Variants in PLXNA2 observed in about 807,000 individuals in gnomAD.
PLXNA2 encodes plexin A2, also known as plexin-A2.
A neutral mutation model predicts 193.5 loss-of-function variants in PLXNA2; 91 were observed. The observed-to-expected ratio is 0.47, with a 90% CI of 0.40 to 0.56. The LOEUF (loss-of-function observed/expected upper bound fraction) is 0.56, where lower values mean the gene tolerates loss of function less well. PLXNA2 is among the 20% of genes least tolerant of loss of function. PLXNA2 has a pLI of 0.00. For missense variants in PLXNA2, 1,995 were observed against 2,503.2 expected (o/e 0.80, Z 4.33); for synonymous variants, 997 against 1,027.3 (o/e 0.97, Z 0.56).
intron 28 of PLXNA2, 67 bp downstream of exon 28, chr1:208,033,252 G>T: frequency 1.4e-6 from 2 of 1,399,674 alleles, no homozygotes; most frequent in Non-Finnish European, 2.0e-6. Flanking sequence ...CATCCTTTCT[G>T]TGTTGTGGAG....
intron 4 of PLXNA2, among the ~76,000 whole-genome samples, chr1:208,105,653 T>C (rs1667247718): frequency 6.6e-6 from 1 of 152,146 alleles, no homozygotes; most frequent in African/African-American, 2.4e-5. Flanking sequence ...TTCAGACAGG[T>C]ATCTGCCGGA....
intron 4 of PLXNA2, among the ~76,000 whole-genome samples, chr1:208,110,463 C>T (rs1481824420): frequency 6.6e-6 from 1 of 152,200 alleles, no homozygotes; most frequent in Non-Finnish European, 1.5e-5. Context: ...CTGGCTGGCC[C>T]CACCTTGCCC....
At chr1:208,151,384 T>C (rs1668757577) in intron 3 of PLXNA2, among the ~76,000 whole-genome samples, 1 of 152,134 alleles carries the variant, frequency 6.6e-6, no homozygotes, top group South Asian at 2.1e-4. Flanking sequence ...CTTAGGCTTT[T>C]TGAACTGGAA....
At chr1:208,186,708 A>ATTTTGTTTTTTGTTTTTTGTTGTT (rs368056918) in intron 3 of PLXNA2, among the ~76,000 whole-genome samples, 2 of 111,698 alleles carry the variant, frequency 1.8e-5, no homozygotes, top group African/African-American at 6.0e-5. Context: ...TTGCAATGTT[A>ATTTTGTTTTTTGTTTTTTGTTGTT]TTTTATTTTT....
At chr1:208,037,520 G>A (rs376319928) in intron 26 of PLXNA2, among the ~76,000 whole-genome samples, 8 of 152,120 alleles carry the variant, frequency 5.3e-5, no homozygotes, top group Non-Finnish European at 8.8e-5. Context: ...ACGATCCCAC[G>A]GGTCTTGCAG....
intron 12 of PLXNA2, among the ~76,000 whole-genome samples, chr1:208,068,173 T>C (rs1416967609): frequency 6.6e-6 from 1 of 152,216 alleles, no homozygotes; most frequent in Admixed American, 6.5e-5. Context: ...CTTAGCACGC[T>C]GCCTGGAACG....
intron 1 of PLXNA2, among the ~76,000 whole-genome samples, chr1:208,220,055 C>T (rs1381441431): frequency 1.3e-5 from 2 of 152,194 alleles, no homozygotes; most frequent in African/African-American, 2.4e-5. Context: ...GCCCCTGTCG[C>T]TGGGAAGAAA....
rs1400249329 is a variant in PLXNA2 at position 208,044,335 on chromosome 1, G to T, written c.3874+173C>A. Reference sequence around the variant, plus strand: ...CTCATGCAGTGGGCATTCTTCATTGGACATCTCTGACCCTATAAGCAAAAG... The same window carrying T: ...CTCATGCAGTGGGCATTCTTCATTGTACATCTCTGACCCTATAAGCAAAAG... On this transcript the variant is annotated intron_variant, in intron 20 of 31. Coordinates refer to ENST00000367033, the MANE Select transcript of PLXNA2 (RefSeq NM_025179.4). The surrounding 1 kb of genome is among the most constrained non-coding windows in gnomAD (Gnocchi z 4.9). Among the ~76,000 whole-genome samples, 2 of 152,200 alleles carry T rather than the reference G, an allele frequency of 1.3e-5. No individual in the cohort carries two copies. Among genetic ancestry groups the T allele is most frequent in the African/African-American group, 4.8e-5 (2 of 41,448 alleles).
rs199954172 is a variant in PLXNA2 at position 208,054,511 on chromosome 1, G to A, written c.2766C>T (p.Leu922=). The change falls in exon 14 of 32, where the codon CTC becomes CTT. Residue 922 remains leucine (L), a synonymous_variant. Coordinates refer to ENST00000367033, the MANE Select transcript of PLXNA2 (RefSeq NM_025179.4). ...EQIVCEMGHA[L]VGTTSGPVRL... is the part of the protein sequence containing the mutation. ...GTACTGGCCCGGAGGTGGTTCCCACGAGGGCATGGCCCATCTCACAGACAA... is the reference window on the plus strand; with the variant it reads ...GTACTGGCCCGGAGGTGGTTCCCACAAGGGCATGGCCCATCTCACAGACAA... 26 of 1,614,124 alleles carry A rather than the reference G, an allele frequency of 1.6e-5. No homozygotes were observed. In the East Asian group the frequency reaches 2.9e-4, roughly 18 times the overall value.
At chr1:208,102,556 T>C (rs1329742198) in intron 5 of PLXNA2, among the ~76,000 whole-genome samples, 4 of 152,254 alleles carry the variant, frequency 2.6e-5, no homozygotes, top group Non-Finnish European at 5.9e-5. Context: ...CCCAAGGGTA[T>C]AGGGTCCATG....
Position 208,096,806 on chromosome 1 carries a change from C to T in PLXNA2, c.1809G>A (p.Glu603=). The change falls in exon 7 of 32, where the codon GAG becomes GAA. Residue 603 remains glutamate (E), a synonymous_variant. Coordinates refer to ENST00000367033, the MANE Select transcript of PLXNA2 (RefSeq NM_025179.4). The part of the protein sequence containing the change: ...ACAFGNLTEV[E]GQVSGSQVIC... ...TGACCTGGCTCCCGGACACCTGCCC[C>T]TCCACCTCTGTCAGGTTCCCAAAGG... 3 of 1,614,116 alleles carry T rather than the reference C, an allele frequency of 1.9e-6. No individual in the cohort carries two copies. Among genetic ancestry groups the T allele is most frequent in the Non-Finnish European group, 2.5e-6 (3 of 1,180,010 alleles).
chr1:208,066,174 C>A (rs12057794), intron 12 of PLXNA2, among the ~76,000 whole-genome samples: 61,806 of 151,982 alleles, frequency 0.41, 13,129 homozygotes, highest in East Asian at 0.73. Context: ...CCATATTATA[C>A]TGTGGACTAG....
At position 208,217,860 on chromosome 1, in the gene PLXNA2, G is replaced by A. The variant is rs768537663; in HGVS notation, c.63C>T (p.Leu21=). 6 of 1,613,600 alleles carry A rather than the reference G, an allele frequency of 3.7e-6. No homozygotes were observed. The highest frequency in any genetic ancestry group is 4.2e-6 in the Non-Finnish European group (5 of 1,180,020). ...GGGCCAGCAGCACCCAGACCACTGAGAGCAGGACCACAGAGCGGCTGTCCA... is the reference window on the plus strand; with the variant it reads ...GGGCCAGCAGCACCCAGACCACTGAAAGCAGGACCACAGAGCGGCTGTCCA... ...LEVDSRSVVL[L]SVVWVLLAPP... Residue 21 remains leucine, a synonymous_variant, in exon 2 of 32, where the codon CTC becomes CTT. Transcript: ENST00000367033. The surrounding 1 kb of genome is among the most constrained non-coding windows in gnomAD (Gnocchi z 4.7).
At chr1:208,123,009 A>G (rs1571941743) in intron 4 of PLXNA2, among the ~76,000 whole-genome samples, 1 of 152,168 alleles carries the variant, frequency 6.6e-6, no homozygotes, top group South Asian at 2.1e-4. Flanking sequence ...CATTAGCACA[A>G]TCCATTTCAG....
intron 29 of PLXNA2, chr1:208,029,579 C>T: frequency 1.0e-6 from 1 of 990,322 alleles, no homozygotes; most frequent in Non-Finnish European, 1.2e-6. Context: ...GAATGGGCTC[C>T]CCTGGGGGAA....
At chr1:208,067,336 C>A (rs1236006387) in intron 12 of PLXNA2, among the ~76,000 whole-genome samples, 7 of 132,338 alleles carry the variant, frequency 5.3e-5, no homozygotes, top group African/African-American at 1.4e-4. Flanking sequence ...AAGAGTGGAA[C>A]TCCGTCTCAA....
intron 3 of PLXNA2, among the ~76,000 whole-genome samples, chr1:208,198,818 A>C (rs1670444458): frequency 6.6e-6 from 1 of 152,228 alleles, no homozygotes; most frequent in Admixed American, 6.5e-5. Flanking sequence ...TTAAAAGCAC[A>C]GGTCTGGAGT....
Position 208,236,745 on chromosome 1 carries a change from AG to A in PLXNA2, c.-81+6897del, listed in dbSNP as rs1455471415. Among the ~76,000 whole-genome samples, 2 of 152,262 alleles carry A rather than the reference AG, an allele frequency of 1.3e-5. No homozygotes were observed. Among genetic ancestry groups the A allele is most frequent in the African/African-American group, 4.8e-5 (2 of 41,472 alleles). ...CAGAGCAGAAGCGGAAATGACGGCTAGGAAAGGCTCTAGAGACTGGAATCTA... is the reference window on the plus strand; with the variant it reads ...CAGAGCAGAAGCGGAAATGACGGCTAGAAAGGCTCTAGAGACTGGAATCTA... On this transcript the variant is annotated intron_variant, in intron 1 of 31. Coordinates refer to ENST00000367033, the MANE Select transcript of PLXNA2 (RefSeq NM_025179.4). The surrounding 1 kb of genome is among the most constrained non-coding windows in gnomAD (Gnocchi z 4.4).
chr1:208,203,319 C>T (rs981762168), intron 3 of PLXNA2, among the ~76,000 whole-genome samples: 8 of 152,124 alleles, frequency 5.3e-5, no homozygotes, highest in Non-Finnish European at 8.8e-5. Context: ...TCCATGCAGG[C>T]TCTGGGGAAG....
Sources: gnomAD v4.1 joint callset for allele counts (sites outside exome capture counted in the v4.1 genomes callset) on GRCh38, gnomAD v4.1.1 for gene constraint, Gnocchi (gnomAD v3.1) non-coding constraint, MANE v1.5 for transcripts, NCBI Gene and HGNC (gene_info 2026-07-23, HGNC 2026-07-21) for gene names.